TOPAZ1: variants seen among roughly 807,000 people sequenced by gnomAD.
The protein encoded by TOPAZ1 is testis and ovary specific TOPAZ 1.
A neutral mutation model predicts 172.2 loss-of-function variants in TOPAZ1; 66 were observed. The observed-to-expected ratio is 0.38, with a 90% confidence interval of 0.31 to 0.47. The LOEUF is 0.47. Ranked by LOEUF, TOPAZ1 falls within the 20% of genes least tolerant of loss-of-function variation. TOPAZ1 has a pLI of 0.99. For synonymous variants in TOPAZ1, 681 were observed against 683.9 expected, an observed-to-expected ratio of 1.00 and a Z score of 0.07; for missense variants, 1,822 against 1,972.4, an observed-to-expected ratio of 0.92 and a Z score of 1.44.
intron 8 of TOPAZ1, among the ~76,000 whole-genome samples, chr3:44,281,165 TG>T (rs1700019275): frequency 1.3e-5 from 2 of 152,196 alleles, no homozygotes; most frequent in Non-Finnish European, 2.9e-5. Context: ...TTAACCCTGA[TG>T]AGATTCTTTC....
intron 17 of TOPAZ1, 111 bp from the exon 18 acceptor site, chr3:44,322,981 T>C (rs754064682): frequency 1.5e-6 from 1 of 652,786 alleles, no homozygotes; most frequent in Non-Finnish European, 2.5e-6. Flanking sequence ...CTGTGAGTCC[T>C]ATAATGGGTA....
In TOPAZ1 at chr3:44,245,058, C is replaced by T. The variant is rs1699546716; in HGVS notation, c.2552C>T (p.Pro851Leu). 2 of 1,551,564 alleles carry T rather than the reference C, an allele frequency of 1.3e-6. No homozygotes were observed. ...ITKNFSEVGF[P>L]DILKAYEDDV... Reference sequence around the variant, plus strand: ...AAGAATTTTTCAGAGGTAGGGTTTCCAGATATTCTTAAAGCATATGAAGAT... The same window carrying T: ...AAGAATTTTTCAGAGGTAGGGTTTCTAGATATTCTTAAAGCATATGAAGAT... The change falls in exon 2 of 20, where the codon CCA (proline) becomes CTA (leucine). Residue 851 changes from proline to leucine, a missense_variant. Around this residue, in one of 2 missense-constraint regions of TOPAZ1, gnomAD observed 1,489 missense variants for 1,490.8 expected, o/e 1.00. Coordinates refer to ENST00000309765, the MANE Select transcript of TOPAZ1 (RefSeq NM_001145030.2).
chr3:44,246,499 T>C (rs912554982), intron 2 of TOPAZ1, among the ~76,000 whole-genome samples: 6 of 152,214 alleles, frequency 3.9e-5, no homozygotes, highest in Non-Finnish European at 5.9e-5. Flanking sequence ...TTGAAACTTA[T>C]CACCAAATAT....
chr3:44,259,907 A>G (rs920011676), intron 4 of TOPAZ1, among the ~76,000 whole-genome samples: 1 of 152,202 alleles, frequency 6.6e-6, no homozygotes. Flanking sequence ...GTCCCACCCA[A>G]AATCTCACCT....
intron 15 of TOPAZ1, among the ~76,000 whole-genome samples, chr3:44,309,580 G>C (rs1559545421): frequency 1.3e-5 from 2 of 152,184 alleles, no homozygotes; most frequent in African/African-American, 2.4e-5. Flanking sequence ...TTCTGATAAA[G>C]GGGGTCTGGT....
chr3:44,244,911 C>G lies in TOPAZ1; in HGVS notation c.2405C>G (p.Thr802Arg). ...TCTAATAAAGAAGTTGCTTCTCTCACAGTTGAAAATAATGCTTTTTCTTGT... is the reference window on the plus strand; with the variant it reads ...TCTAATAAAGAAGTTGCTTCTCTCAGAGTTGAAAATAATGCTTTTTCTTGT... The part of the protein sequence containing the change: ...IVSNKEVASL[T>R]VENNAFSCDP... The change falls in exon 2 of 20, where the codon ACA becomes AGA. Residue 802 changes from threonine (T) to arginine (R), a missense_variant. Coordinates refer to ENST00000309765, the MANE Select transcript of TOPAZ1 (RefSeq NM_001145030.2). 6.4e-7 allele frequency: 1 copy of G among 1,551,720 alleles called. No homozygotes were observed. Among genetic ancestry groups the G allele is most frequent in the Non-Finnish European group, 8.7e-7 (1 of 1,147,002 alleles).
At chr3:44,292,969 A>G (rs1700154179) in intron 12 of TOPAZ1, among the ~76,000 whole-genome samples, 1 of 152,146 alleles carries the variant, frequency 6.6e-6, no homozygotes, top group Non-Finnish European at 1.5e-5. Flanking sequence ...CTGTGCTCCC[A>G]CTTCAAACCA....
chr3:44,289,794 A>G (rs1700116808), intron 11 of TOPAZ1, among the ~76,000 whole-genome samples: 1 of 152,152 alleles, frequency 6.6e-6, no homozygotes, highest in African/African-American at 2.4e-5. Flanking sequence ...CTTATTTCCT[A>G]GTACTCCCTT....
At chr3:44,293,655 A>G (rs1700164106) in intron 12 of TOPAZ1, among the ~76,000 whole-genome samples, 1 of 152,250 alleles carries the variant, frequency 6.6e-6, no homozygotes, top group Non-Finnish European at 1.5e-5. Context: ...TTGTTACAAA[A>G]GAGTCAAAAA....
intron 18 of TOPAZ1, among the ~76,000 whole-genome samples, chr3:44,327,887 G>A (rs911909460): frequency 1.3e-5 from 2 of 152,102 alleles, no homozygotes; most frequent in Non-Finnish European, 2.9e-5. Context: ...TGGGACGACA[G>A]GCACCCGCCA....
In TOPAZ1 at chr3:44,323,357, TTATAATA is replaced by T. The variant is rs1274713930; in HGVS notation, c.4675+68_4675+74del. ...ATAATTGTATTCTCTAACCCAGAAT[TTATAATA>T]TATAAGATTAGATATTTATATGTAT... On this transcript the variant is annotated intron_variant, in intron 18 of 19. Transcript: ENST00000309765. 157 of 1,015,612 alleles carry T rather than the reference TTATAATA, an allele frequency of 1.5e-4. 1 individual carries two copies. The East Asian group carries it at 4.2e-3, about 27-fold the overall frequency. 62.9% of individuals were successfully genotyped at this position (1,015,612 alleles called of 1,614,324 possible). A position where few individuals can be genotyped will look rare whatever the true frequency, so the allele number is the denominator to read the frequency against.
chr3:44,244,901 G>C lies in TOPAZ1; in HGVS notation c.2395G>C (p.Ala799Pro). ...PGNIVSNKEV[A>P]SLTVENNAFS... is the part of the protein sequence containing the mutation. ...CAATATTGTTTCTAATAAAGAAGTT[G>C]CTTCTCTCACAGTTGAAAATAATGC... Residue 799 changes from alanine to proline, a missense_variant, in exon 2 of 20, where the codon GCT becomes CCT. Around this residue, in one of 2 missense-constraint regions of TOPAZ1, gnomAD observed 1,489 missense variants for 1,490.8 expected, o/e 1.00. Transcript: ENST00000309765. 6.4e-7 allele frequency: 1 copy of C among 1,551,732 alleles called. No homozygotes were observed. The highest frequency in any genetic ancestry group is 2.0e-5 in the Admixed American group (1 of 51,002).
In TOPAZ1 at chr3:44,301,252, A is replaced by G. The variant is rs143837159; in HGVS notation, c.3798-2763A>G. On this transcript the variant is annotated intron_variant, in intron 12 of 19. Transcript: ENST00000309765. Reference sequence around the variant, plus strand: ...TTGATAAAAACTGAATAAGGCCTGTAGTTAACAATATTGTACCAGTGTCAG... The same window carrying G: ...TTGATAAAAACTGAATAAGGCCTGTGGTTAACAATATTGTACCAGTGTCAG... Among the ~76,000 whole-genome samples the G allele has an allele frequency of 3.3e-3, 510 of 152,316 alleles. 6 individuals carry two copies. The highest frequency in any genetic ancestry group is 0.012 in the African/African-American group (496 of 41,578).
chr3:44,310,711 A>T (rs2125701611), intron 16 of TOPAZ1, among the ~76,000 whole-genome samples: 1 of 152,352 alleles, frequency 6.6e-6, no homozygotes, highest in Non-Finnish European at 1.5e-5. Flanking sequence ...AATCCAGACA[A>T]TCCAGCTTCA....
Position 44,287,450 on chromosome 3 carries a change from G to T in TOPAZ1, c.3498G>T (p.Val1166=), listed in dbSNP as rs945305119. 1 of 1,526,592 alleles carries T rather than the reference G, an allele frequency of 6.6e-7. No homozygotes were observed. Among genetic ancestry groups the T allele is most frequent in the Non-Finnish European group, 8.8e-7 (1 of 1,134,336 alleles). The allele number at this position is 1,526,592 out of a possible 1,614,324, so 94.6% of individuals were successfully genotyped here. A position where few individuals can be genotyped will look rare whatever the true frequency, so the allele number is the denominator to read the frequency against. ...CAGGTGTATACTTTGATTTACAAGT[G>T]CTAAATGACCTTCTAAATTCTTTAC... ...FPPGVYFDLQ[V]LNDLLNSLLK... is the part of the protein sequence containing the mutation. The change falls in exon 10 of 20, where the codon GTG becomes GTT. Residue 1166 remains valine (V), a synonymous_variant. Transcript: ENST00000309765.
At chr3:44,257,465 ATATAGTGTGTGT>A (rs1414017413) in intron 4 of TOPAZ1, among the ~76,000 whole-genome samples, 7 of 84,908 alleles carry the variant, frequency 8.2e-5, no homozygotes, top group African/African-American at 3.5e-4. Context: ...TTATATATAT[ATATAGTGTGTGT>A]GTGTGTGTGT....
At chr3:44,276,664 T>C (rs1699963943) in intron 8 of TOPAZ1, among the ~76,000 whole-genome samples, 1 of 135,204 alleles carries the variant, frequency 7.4e-6, no homozygotes, top group Non-Finnish European at 1.6e-5. Context: ...CCAGAATTGC[T>C]TGGCCTATTC....
At position 44,331,829 on chromosome 3, in the gene TOPAZ1, C is replaced by A; in HGVS notation, c.4897C>A (p.Gln1633Lys). 6.4e-7 allele frequency: 1 copy of A among 1,552,010 alleles called. No homozygotes were observed. Among genetic ancestry groups the A allele is most frequent in the East Asian group, 2.4e-5 (1 of 40,894 alleles). Residue 1633 changes from glutamine (Q) to lysine (K), a missense_variant, in exon 20 of 20, where the codon CAA becomes AAA. Gln to Lys is a moderately conservative substitution (Grantham distance 53). Transcript: ENST00000309765. ...CCAGTCTCGGAGCAATGATGATTAT[C>A]AAGCTGCAGTAGAAAGGTTAATTAT... ...DNQSRSNDDYQAAVERLIMAA... is the reference protein window; with the variant it reads ...DNQSRSNDDYKAAVERLIMAA...
chr3:44,327,604 G>A (rs1700614200), intron 18 of TOPAZ1, among the ~76,000 whole-genome samples: 1 of 152,024 alleles, frequency 6.6e-6, no homozygotes, highest in Admixed American at 6.6e-5. Flanking sequence ...AAACTATAAT[G>A]GTACTATAAA....
Sources: allele counts gnomAD v4.1 joint callset (sites outside exome capture counted in the v4.1 genomes callset), GRCh38; gene constraint gnomAD v4.1.1; regional missense constraint gnomAD v4.1.1; transcripts MANE v1.5; gene names NCBI Gene and HGNC (gene_info 2026-07-23, HGNC 2026-07-21).